CNTNAP2: variants seen among roughly 807,000 people sequenced by gnomAD.
The protein encoded by CNTNAP2 is contactin-associated protein-like 2.
CNTNAP2 carries 98 observed loss-of-function variants against 155.2 expected under a neutral mutation model. The ratio of observed to expected loss-of-function variants is 0.63; its 90% CI spans 0.54 to 0.75. CNTNAP2 has a LOEUF of 0.75. Ranked by LOEUF, CNTNAP2 falls within the 30% of genes least tolerant of loss-of-function variation. The probability of loss-of-function intolerance (pLI) is 0.00; values close to 1 mark genes in which losing one functional copy is unlikely to be tolerated. For missense variants in CNTNAP2, 1,727 were observed against 1,688.1 expected (o/e 1.02, Z -0.40); for synonymous variants, 651 against 631.2 (o/e 1.03, Z -0.47).
intron 8 of CNTNAP2, among the ~76,000 whole-genome samples, chr7:147,156,300 C>A (rs2116443670): frequency 6.6e-6 from 1 of 152,128 alleles, no homozygotes; most frequent in African/African-American, 2.4e-5. Flanking sequence ...AAATTGATGA[C>A]CCAAAAAAGA....
intron 20 of CNTNAP2, among the ~76,000 whole-genome samples, chr7:148,246,236 T>C (rs1796260209): frequency 6.6e-6 from 1 of 152,248 alleles, no homozygotes. Flanking sequence ...GTAATATCAA[T>C]AGAGCCACCG....
intron 13 of CNTNAP2, among the ~76,000 whole-genome samples, chr7:147,714,927 A>G (rs898882320): frequency 1.3e-5 from 2 of 152,150 alleles, no homozygotes; most frequent in East Asian, 3.8e-4. Flanking sequence ...TATATTTATA[A>G]AAGTATGAAG....
intron 1 of CNTNAP2, among the ~76,000 whole-genome samples, chr7:146,309,192 A>G (rs994667976): frequency 6.6e-6 from 1 of 152,144 alleles, no homozygotes; most frequent in Non-Finnish European, 1.5e-5. Flanking sequence ...GATATCTTAC[A>G]TACATTTCCT....
intron 1 of CNTNAP2, among the ~76,000 whole-genome samples, chr7:146,167,940 A>G (rs1798336814): frequency 6.6e-6 from 1 of 152,152 alleles, no homozygotes; most frequent in South Asian, 2.1e-4. Context: ...TCCCCTGGCA[A>G]ACCACTGGTG....
intron 15 of CNTNAP2, among the ~76,000 whole-genome samples, chr7:148,076,170 G>A (rs1020485067): frequency 1.3e-5 from 2 of 152,100 alleles, no homozygotes; most frequent in Non-Finnish European, 2.9e-5. Flanking sequence ...CAGATTCAAG[G>A]GTGGCAAATA....
rs568384886 is a variant in CNTNAP2 at position 146,891,625 on chromosome 7, G to A, written c.402+51721G>A. 2.7e-4 allele frequency among the ~76,000 whole-genome samples: 41 copies of A among 152,156 alleles called. 1 individual carries two copies. Among genetic ancestry groups the A allele is most frequent in the African/African-American group, 9.6e-4 (40 of 41,504 alleles). Reference sequence around the variant, plus strand: ...GAACAGTTTTTGTTCTTATTTTCTGGTGAATGATTTTTTACAATAATATGA... The same window carrying A: ...GAACAGTTTTTGTTCTTATTTTCTGATGAATGATTTTTTACAATAATATGA... On this transcript the variant is annotated intron_variant, in intron 3 of 23. Transcript: ENST00000361727.
chr7:147,251,278 C>A (rs1418410208), intron 8 of CNTNAP2, among the ~76,000 whole-genome samples: 1 of 152,190 alleles, frequency 6.6e-6, no homozygotes, highest in African/African-American at 2.4e-5. Flanking sequence ...ACATTAAAAT[C>A]TCTTCCTTGC....
intron 1 of CNTNAP2, among the ~76,000 whole-genome samples, chr7:146,525,560 CTA>C (rs1797677154): frequency 6.8e-6 from 1 of 147,418 alleles, no homozygotes; most frequent in African/African-American, 2.7e-5. Flanking sequence ...ATCTATCTAT[CTA>C]TCTATCTATC....
At chr7:148,383,541 A>T in intron 21 of CNTNAP2, 108 bp from the exon 22 acceptor site, 3 of 1,504,804 alleles carry the variant, frequency 2.0e-6, no homozygotes, top group Non-Finnish European at 2.8e-6. Context: ...TAACATCTTA[A>T]ACTGAAACCT....
At chr7:147,647,785 C>G (rs978515864) in intron 13 of CNTNAP2, among the ~76,000 whole-genome samples, 17 of 152,088 alleles carry the variant, frequency 1.1e-4, no homozygotes, top group Admixed American at 3.3e-4. Flanking sequence ...AGTTATTAAA[C>G]AGTAGGAAGA....
At chr7:147,453,803 C>T (rs981664596) in intron 10 of CNTNAP2, among the ~76,000 whole-genome samples, 6 of 151,928 alleles carry the variant, frequency 3.9e-5, no homozygotes, top group Admixed American at 1.3e-4. Flanking sequence ...AAAGAAAATG[C>T]CACCAAAAGT....
chr7:146,877,742 T>C (rs1262030509), intron 3 of CNTNAP2, among the ~76,000 whole-genome samples: 1 of 151,968 alleles, frequency 6.6e-6, no homozygotes, highest in African/African-American at 2.4e-5. Context: ...GATATTTACT[T>C]TGAATGAAGC....
At chr7:146,814,576 A>G (rs779248786) in intron 2 of CNTNAP2, among the ~76,000 whole-genome samples, 43 of 152,200 alleles carry the variant, frequency 2.8e-4, no homozygotes, top group Non-Finnish European at 5.0e-4. Context: ...GAAACTGGCT[A>G]TAGAACTAGA....
chr7:146,841,578 A>G (rs1803725200), intron 3 of CNTNAP2, among the ~76,000 whole-genome samples: 1 of 152,016 alleles, frequency 6.6e-6, no homozygotes, highest in Non-Finnish European at 1.5e-5. Flanking sequence ...TGTGATTTCT[A>G]AACTAAGATC....
chr7:146,260,489 G>C (rs917660301), intron 1 of CNTNAP2, among the ~76,000 whole-genome samples: 2 of 152,210 alleles, frequency 1.3e-5, no homozygotes, highest in Non-Finnish European at 2.9e-5. Flanking sequence ...AGCCACAGAG[G>C]TAGAGCTGTT....
At chr7:146,638,860 G>A (rs563995960) in intron 1 of CNTNAP2, among the ~76,000 whole-genome samples, 2 of 152,250 alleles carry the variant, frequency 1.3e-5, no homozygotes, top group East Asian at 3.9e-4. Flanking sequence ...AAATCACAGA[G>A]TGTAATTCCA....
intron 12 of CNTNAP2, among the ~76,000 whole-genome samples, chr7:147,622,245 C>CA (rs773267805): frequency 5.6e-4 from 85 of 151,856 alleles, no homozygotes; most frequent in Non-Finnish European, 1.0e-3. Context: ...AGGTAATAAA[C>CA]AAAAAAACAT....
intron 3 of CNTNAP2, among the ~76,000 whole-genome samples, chr7:147,027,677 G>A (rs1263534412): frequency 6.6e-6 from 1 of 152,186 alleles, no homozygotes; most frequent in Non-Finnish European, 1.5e-5. Flanking sequence ...AGAGAGACTG[G>A]AAGCAGGGAG....
chr7:147,949,458 A>ATATATATATATATATATATATTT (rs1433579404), intron 14 of CNTNAP2, among the ~76,000 whole-genome samples: 15 of 137,404 alleles, frequency 1.1e-4, no homozygotes, highest in African/African-American at 2.5e-4. Flanking sequence ...ATATATATAT[A>ATATATATATATATATATATATTT]TTTTTTTTTT....
Sources: allele counts gnomAD v4.1 joint callset (sites outside exome capture counted in the v4.1 genomes callset), GRCh38; gene constraint gnomAD v4.1.1; transcripts MANE v1.5; gene names NCBI Gene and HGNC (gene_info 2026-07-23, HGNC 2026-07-21).